Variants in NMBR observed in about 807,000 individuals in gnomAD.
NMBR encodes the protein neuromedin-B receptor.
A neutral mutation model predicts 20.5 loss-of-function variants in NMBR; 16 were observed. The ratio of observed to expected loss-of-function variants is 0.78; its 90% CI spans 0.53 to 1.19. The LOEUF (loss-of-function observed/expected upper bound fraction) is 1.19. Ranked by LOEUF, NMBR falls within the 50% of genes most tolerant of loss-of-function variation. The pLI, the probability that NMBR is intolerant of heterozygous loss-of-function variation, is 0.00. For missense variants in NMBR, 582 were observed against 499.1 expected, an observed-to-expected ratio of 1.17 and a Z score of -1.58; for synonymous variants, 212 against 196.6, an observed-to-expected ratio of 1.08 and a Z score of -0.65.
intron 1 of NMBR, among the ~76,000 whole-genome samples, chr6:142,141,438 T>G (rs141509043): frequency 1.3e-5 from 2 of 152,066 alleles, no homozygotes; most frequent in African/African-American, 2.4e-5. Flanking sequence ...TTAGAAGTTC[T>G]AAATATTATG....
intron 1 of NMBR, among the ~76,000 whole-genome samples, chr6:142,111,915 G>A (rs184158861): frequency 0.01 from 1,565 of 152,290 alleles, 14 homozygotes; most frequent in Middle Eastern, 0.061. Flanking sequence ...TTCTTAAACT[G>A]AAAAGGTAAG....
chr6:142,113,022 G>A (rs1205314848), intron 1 of NMBR, among the ~76,000 whole-genome samples: 11 of 151,618 alleles, frequency 7.3e-5, no homozygotes, highest in Admixed American at 7.2e-4. Context: ...AAATGTAAAA[G>A]CATTATTCCA....
chr6:142,081,981 A>T (rs1777107032), intron 2 of NMBR, among the ~76,000 whole-genome samples: 1 of 152,152 alleles, frequency 6.6e-6, no homozygotes, highest in Admixed American at 6.5e-5. Flanking sequence ...CTTATTTTGG[A>T]TCTCGCTTGT....
intron 1 of NMBR, among the ~76,000 whole-genome samples, chr6:142,144,934 A>C (rs1778406809): frequency 6.7e-6 from 1 of 150,114 alleles, no homozygotes; most frequent in Admixed American, 6.7e-5. Flanking sequence ...TGAGGCAAGA[A>C]GATCCTTGAG....
intron 2 of NMBR, among the ~76,000 whole-genome samples, chr6:142,083,119 GAA>G (rs1337547313): frequency 5.3e-5 from 8 of 152,120 alleles, no homozygotes; most frequent in African/African-American, 1.2e-4. Flanking sequence ...AAGTATAAAA[GAA>G]AGAGATAAAC....
At chr6:142,140,115 A>T (rs1778340654) in intron 1 of NMBR, among the ~76,000 whole-genome samples, 1 of 152,146 alleles carries the variant, frequency 6.6e-6, no homozygotes, top group South Asian at 2.1e-4. Flanking sequence ...ACATAAATGT[A>T]ATTCAAAAAG....
intron 1 of NMBR, among the ~76,000 whole-genome samples, chr6:142,126,819 A>G (rs558287448): frequency 8.1e-5 from 8 of 98,632 alleles, no homozygotes; most frequent in African/African-American, 3.2e-4. Flanking sequence ...TATTTTGGAT[A>G]TTAACCCTTA....
In NMBR at chr6:142,132,591, C is replaced by T. The variant is rs559020531; in HGVS notation, c.-664+14453G>A. Among the ~76,000 whole-genome samples the T allele has an allele frequency of 6.2e-4, 95 of 152,164 alleles. 2 individuals carry two copies. The South Asian group carries it at 0.015, about 24-fold the overall frequency. On this transcript the variant is annotated intron_variant, in intron 1 of 3. Transcript: ENST00000258042. ...TTCAATAATGCAATAACTATTATAT[C>T]CTGTGTTAACAATTTCTTAGGATTT... is the stretch of plus-strand genomic sequence containing the variant.
intron 1 of NMBR, among the ~76,000 whole-genome samples, chr6:142,132,560 A>G (rs1454146296): frequency 6.6e-6 from 1 of 152,228 alleles, no homozygotes; most frequent in Non-Finnish European, 1.5e-5. Context: ...CAATACATCA[A>G]TAATATTCAA....
At chr6:142,082,067 G>A (rs911284990) in intron 2 of NMBR, among the ~76,000 whole-genome samples, 3 of 152,082 alleles carry the variant, frequency 2.0e-5, no homozygotes, top group Admixed American at 2.0e-4. Context: ...TAATAAAAAT[G>A]GGATATTTTT....
chr6:142,080,335 G>T (rs978034468), intron 2 of NMBR, among the ~76,000 whole-genome samples: 3 of 119,984 alleles, frequency 2.5e-5, no homozygotes, highest in Admixed American at 9.8e-5. Flanking sequence ...TTTTTTGACA[G>T]GGTCTCACTC....
intron 1 of NMBR, among the ~76,000 whole-genome samples, chr6:142,105,115 TATCACAAAGTACATTATCGAAAGGGC>T (rs1318375389): frequency 2.1e-4 from 31 of 146,734 alleles, no homozygotes; most frequent in African/African-American, 7.0e-4. Context: ...GGCGGGGGAA[TATCACAAAGTACATTATCGAAAGGGC>T]GGGGAGGGGG....
chr6:142,125,876 T>C (rs1377424887), intron 1 of NMBR, among the ~76,000 whole-genome samples: 1 of 151,570 alleles, frequency 6.6e-6, no homozygotes, highest in African/African-American at 2.4e-5. Context: ...ATTACCTGTG[T>C]GTGTGTGTGT....
chr6:142,133,542 G>A (rs1272176033), intron 1 of NMBR, among the ~76,000 whole-genome samples: 1 of 152,098 alleles, frequency 6.6e-6, no homozygotes, highest in African/African-American at 2.4e-5. Flanking sequence ...AGAAGTATTA[G>A]ATATTCTGAT....
In NMBR at chr6:142,147,031, C is replaced by G. The variant is rs990394168; in HGVS notation, c.-664+13G>C. On this transcript the variant is annotated intron_variant, in intron 1 of 3. Transcript: ENST00000258042. ...ACAAAAAAGCAAAACAAAACAAAAA[C>G]CCTTCCTCCTACCAGCAGAGAGCGC... is the stretch of plus-strand genomic sequence containing the variant. The G allele has an allele frequency of 6.4e-6, 3 of 470,650 alleles. No individual in the cohort carries two copies. Among genetic ancestry groups the G allele is most frequent in the Non-Finnish European group, 1.2e-5 (3 of 259,976 alleles). 29.2% of individuals were successfully genotyped at this position (470,650 alleles called of 1,614,324 possible). A position where few individuals can be genotyped will look rare whatever the true frequency, so the allele number is the denominator to read the frequency against.
intron 1 of NMBR, among the ~76,000 whole-genome samples, chr6:142,145,659 T>C (rs914115990): frequency 6.6e-6 from 1 of 152,224 alleles, no homozygotes; most frequent in African/African-American, 2.4e-5. Context: ...TATCTGGTGG[T>C]GGCCTTAATC....
At chr6:142,123,675 G>C (rs1200191568) in intron 1 of NMBR, among the ~76,000 whole-genome samples, 1 of 151,788 alleles carries the variant, frequency 6.6e-6, no homozygotes, top group African/African-American at 2.4e-5. Context: ...GACCCTCCAC[G>C]GTGAAAATAT....
intron 1 of NMBR, among the ~76,000 whole-genome samples, chr6:142,094,147 T>C (rs1365488065): frequency 6.6e-6 from 1 of 152,110 alleles, no homozygotes; most frequent in Admixed American, 6.6e-5. Context: ...CGAAGCTCTT[T>C]AGTTTAATTA....
chr6:142,127,622 T>C (rs895772413), intron 1 of NMBR, among the ~76,000 whole-genome samples: 3 of 151,986 alleles, frequency 2.0e-5, no homozygotes. Context: ...AATACATGCA[T>C]ATGAATGTCT....
Sources: allele counts gnomAD v4.1 joint callset (sites outside exome capture counted in the v4.1 genomes callset), GRCh38; gene constraint gnomAD v4.1.1; transcripts MANE v1.5; gene names NCBI Gene and HGNC (gene_info 2026-07-23, HGNC 2026-07-21).